FAM107B: variants seen among roughly 807,000 people sequenced by gnomAD.
FAM107B encodes the protein family with sequence similarity 107 member B, also known as protein FAM107B.
Under a neutral mutation model 31.5 loss-of-function variants are expected in FAM107B, and 21 were observed. The observed-to-expected ratio is 0.67, with a 90% CI of 0.47 to 0.96. The LOEUF is 0.96. Among genes scored for constraint, FAM107B ranks in the 40% least tolerant of loss-of-function variants. FAM107B has a pLI of 0.00. For missense variants in FAM107B, 452 were observed against 377.1 expected (o/e 1.20, Z -1.64); for synonymous variants, 157 against 141.5 (o/e 1.11, Z -0.78).
rs773763536 is a variant in FAM107B at position 14,667,538 on chromosome 10, A to G, written c.469+96T>C. On this transcript the variant is annotated intron_variant, in intron 2 of 4. Transcript: ENST00000181796. ...ATGTTTCCAATCATTTGGAACATAC[A>G]GGTTTTCCTTTGCAATCTGAAAAGC... The G allele has an allele frequency of 1.1e-5, 14 of 1,229,798 alleles. No homozygotes were observed. In the African/African-American group the frequency reaches 1.4e-4, roughly 12 times the overall value. 76.2% of individuals were successfully genotyped at this position (1,229,798 alleles called of 1,614,324 possible).
At chr10:14,689,919 G>A (rs531712823) in intron 1 of FAM107B, among the ~76,000 whole-genome samples, 2 of 151,806 alleles carry the variant, frequency 1.3e-5, no homozygotes, top group East Asian at 1.9e-4. Flanking sequence ...AGCTGAGCTC[G>A]CACCACAGCA....
chr10:14,552,704 T>G (rs112332815), intron 2 of FAM107B, among the ~76,000 whole-genome samples: 1,605 of 151,880 alleles, frequency 0.011, 27 homozygotes, highest in African/African-American at 0.037. Context: ...AGGCACACAC[T>G]CGTAATCCCA....
intron 2 of FAM107B, among the ~76,000 whole-genome samples, chr10:14,629,312 A>G (rs1263747465): frequency 8.2e-6 from 1 of 122,084 alleles, no homozygotes; most frequent in Non-Finnish European, 1.6e-5. Context: ...TATATAATAT[A>G]TATAATATAT....
chr10:14,521,532 A>G (rs1845634840), intron 4 of FAM107B, among the ~76,000 whole-genome samples: 1 of 152,194 alleles, frequency 6.6e-6, no homozygotes, highest in Admixed American at 6.5e-5. Flanking sequence ...ACAAGAATTG[A>G]AAAGACAGGG....
intron 2 of FAM107B, among the ~76,000 whole-genome samples, chr10:14,660,925 T>A (rs549309396): frequency 6.6e-6 from 1 of 152,240 alleles, no homozygotes; most frequent in East Asian, 1.9e-4. Context: ...TAACCCCCAA[T>A]GTTGGAGGAG....
At chr10:14,597,532 T>C (rs1403276337) in intron 2 of FAM107B, among the ~76,000 whole-genome samples, 7 of 152,322 alleles carry the variant, frequency 4.6e-5, no homozygotes, top group African/African-American at 1.7e-4. Flanking sequence ...CCCAGTTATC[T>C]TTAAAACTCT....
At chr10:14,622,349 C>G (rs1853034721) in intron 2 of FAM107B, among the ~76,000 whole-genome samples, 1 of 150,252 alleles carries the variant, frequency 6.7e-6, no homozygotes, top group African/African-American at 2.4e-5. Context: ...GCTGTATTGC[C>G]CAGGCTGGGG....
chr10:14,673,748 C>T (rs1281293032), intron 1 of FAM107B, among the ~76,000 whole-genome samples: 1 of 152,086 alleles, frequency 6.6e-6, no homozygotes, highest in African/African-American at 2.4e-5. Flanking sequence ...TAGGAGTTCC[C>T]CTTTCTCCGT....
rs549901262 is a variant in FAM107B at position 14,573,916 on chromosome 10, C to CA, written c.470-43402dup. ...GATACATGATATAAAAACAAACAAA[C>CA]AAAAAAAAAAAACCACCCTAGGGCC... On this transcript the variant is annotated intron_variant, in intron 2 of 4. Transcript: ENST00000181796. Among the ~76,000 whole-genome samples the CA allele has an allele frequency of 7.8e-3, 1,072 of 137,286 alleles. 6 individuals are homozygous for CA. Among genetic ancestry groups the CA allele is most frequent in the African/African-American group, 0.02 (741 of 37,572 alleles). 90.1% of individuals were successfully genotyped at this position (137,286 alleles called of 152,430 possible).
intron 2 of FAM107B, among the ~76,000 whole-genome samples, chr10:14,611,739 A>G (rs1336249359): frequency 1.3e-5 from 2 of 151,682 alleles, no homozygotes; most frequent in Middle Eastern, 6.9e-3. Flanking sequence ...GCCTCCCAAA[A>G]TCAAAATCAA....
intron 1 of FAM107B, among the ~76,000 whole-genome samples, chr10:14,706,478 T>C (rs1312824738): frequency 6.6e-6 from 1 of 152,176 alleles, no homozygotes; most frequent in Admixed American, 6.5e-5. Context: ...TCCTCCCACC[T>C]TAGCCTCCCA....
chr10:14,659,469 C>G (rs904474817), intron 2 of FAM107B, among the ~76,000 whole-genome samples: 1 of 120,156 alleles, frequency 8.3e-6, no homozygotes, highest in African/African-American at 2.9e-5. Context: ...ACAAAACAAG[C>G]AAACAAAAAA....
intron 1 of FAM107B, among the ~76,000 whole-genome samples, chr10:14,671,885 C>CAA (rs1277490948): frequency 0.018 from 712 of 38,752 alleles, 6 homozygotes; most frequent in Non-Finnish European, 0.04. Context: ...AAAAAAAAAA[C>CAA]AAAAAAACAA....
chr10:14,651,237 A>G lies in FAM107B; in HGVS notation c.469+16397T>C, dbSNP rs554154493. On this transcript the variant is annotated intron_variant, in intron 2 of 4. Coordinates refer to ENST00000181796, the MANE Select transcript of FAM107B (RefSeq NM_031453.4). Reference sequence around the variant, plus strand: ...GCTTGGGCTATAACTGCACTTGACAATATTAGGATTCTCTGGCTAAAGAAT... The same window carrying G: ...GCTTGGGCTATAACTGCACTTGACAGTATTAGGATTCTCTGGCTAAAGAAT... 9.8e-5 allele frequency among the ~76,000 whole-genome samples: 15 copies of G among 152,314 alleles called. No individual in the cohort carries two copies. The South Asian group carries it at 2.9e-3, about 29-fold the overall frequency.
chr10:14,761,943 C>T (rs1443219352), intron 1 of FAM107B, among the ~76,000 whole-genome samples: 1 of 152,116 alleles, frequency 6.6e-6, no homozygotes, highest in African/African-American at 2.4e-5. Context: ...CGCTGTGAGG[C>T]CACCTAGAGA....
chr10:14,622,661 A>C (rs538761863), intron 2 of FAM107B, among the ~76,000 whole-genome samples: 1 of 152,268 alleles, frequency 6.6e-6, no homozygotes, highest in South Asian at 2.1e-4. Flanking sequence ...CAGCACATTA[A>C]AGCTTCCGTA....
chr10:14,763,042 C>A (rs544612528), intron 1 of FAM107B, among the ~76,000 whole-genome samples: 2 of 152,246 alleles, frequency 1.3e-5, no homozygotes, highest in African/African-American at 4.8e-5. Context: ...GGAGGTGGAT[C>A]CCCTGAGATC....
chr10:14,665,743 G>A (rs565979612), intron 2 of FAM107B, among the ~76,000 whole-genome samples: 1 of 152,278 alleles, frequency 6.6e-6, no homozygotes, highest in Non-Finnish European at 1.5e-5. Flanking sequence ...TTCATTACAA[G>A]TATCATCAAC....
chr10:14,571,413 C>T (rs1243630307), intron 2 of FAM107B, among the ~76,000 whole-genome samples: 1 of 152,050 alleles, frequency 6.6e-6, no homozygotes, highest in Non-Finnish European at 1.5e-5. Flanking sequence ...ATCCTAGACA[C>T]TTAATAGAGC....
Sources: allele counts gnomAD v4.1 joint callset (sites outside exome capture counted in the v4.1 genomes callset), GRCh38; gene constraint gnomAD v4.1.1; transcripts MANE v1.5; gene names NCBI Gene and HGNC (gene_info 2026-07-23, HGNC 2026-07-21).